Variants in RUNX2 observed in about 807,000 individuals in gnomAD.
RUNX2 encodes the protein runt-related transcription factor 2.
A neutral mutation model predicts 51.7 loss-of-function variants in RUNX2; 10 were observed. That is an observed-to-expected ratio of 0.19 (90% CI 0.12 to 0.33). The LOEUF (loss-of-function observed/expected upper bound fraction) is 0.33. Among genes scored for constraint, RUNX2 ranks in the 10% least tolerant of loss-of-function variants. RUNX2 has a pLI of 1.00. For missense variants in RUNX2, 562 were observed against 691.3 expected (o/e 0.81, Z 2.10); for synonymous variants, 276 against 273.6 (o/e 1.01, Z -0.09).
chr6:45,376,292 T>C (rs1415043125), intron 2 of RUNX2, among the ~76,000 whole-genome samples: 2 of 152,174 alleles, frequency 1.3e-5, no homozygotes, highest in Non-Finnish European at 2.9e-5. Flanking sequence ...CAATAAATGT[T>C]CCAAAGAGCT....
intron 2 of RUNX2, among the ~76,000 whole-genome samples, chr6:45,378,359 T>C (rs779311106): frequency 2.2e-4 from 33 of 152,196 alleles, no homozygotes; most frequent in Non-Finnish European, 4.3e-4. Flanking sequence ...CGTTCTAAGC[T>C]TCTTTCCAGG....
intron 5 of RUNX2, among the ~76,000 whole-genome samples, chr6:45,471,007 C>A (rs1033004366): frequency 6.6e-6 from 1 of 152,140 alleles, no homozygotes; most frequent in Non-Finnish European, 1.5e-5. Context: ...ATAATAATGG[C>A]ATTGTGGGAA....
chr6:45,543,562 T>A lies in RUNX2; in HGVS notation c.1022-1655T>A, dbSNP rs1434436440. 5.3e-5 allele frequency among the ~76,000 whole-genome samples: 8 copies of A among 152,172 alleles called. No individual in the cohort carries two copies. The East Asian group carries it at 1.5e-3, about 29-fold the overall frequency. Reference sequence around the variant, plus strand: ...TGGTTTTATATTTAGAAAATCAGATTGGGGTTGCACTGCTTTTAGAACTCT... The same window carrying A: ...TGGTTTTATATTTAGAAAATCAGATAGGGGTTGCACTGCTTTTAGAACTCT... On this transcript the variant is annotated intron_variant, in intron 7 of 8. Transcript: ENST00000647337.
At chr6:45,471,387 C>T (rs373543278) in intron 5 of RUNX2, among the ~76,000 whole-genome samples, 25 of 151,858 alleles carry the variant, frequency 1.6e-4, no homozygotes, top group African/African-American at 5.8e-4. Flanking sequence ...CATATTTTTT[C>T]CTGTGCATGT....
In RUNX2 at chr6:45,535,603, C is replaced by CA. The variant is rs36036147; in HGVS notation, c.1022-9601dup. Among the ~76,000 whole-genome samples the CA allele has an allele frequency of 0.011, 1,531 of 135,182 alleles. 49 individuals carry two copies. The East Asian group carries it at 0.12, about 11-fold the overall frequency. The allele number at this position is 135,182 out of a possible 152,430, so 88.7% of individuals were successfully genotyped here. ...TGGGCAACAGAGTGAGACTCTGTCT[C>CA]AAAAAAAAAAAAAGAAAGAAAAAGA... On this transcript the variant is annotated intron_variant, in intron 7 of 8. Coordinates refer to ENST00000647337, the MANE Select transcript of RUNX2 (RefSeq NM_001024630.4).
rs1233585817 is a variant in RUNX2 at position 45,549,827 on chromosome 6, G to C, written c.*2522G>C. 1 of 153,170 alleles carries C rather than the reference G, an allele frequency of 6.5e-6. No homozygotes were observed. The highest frequency in any genetic ancestry group is 2.4e-5 in the African/African-American group (1 of 41,424). 9.5% of individuals were successfully genotyped at this position (153,170 alleles called of 1,614,324 possible). ...GCTTTTGTGTTGAAATGTTACTATA[G>C]TGGCTGCAGGCAGCAACCCAGAAAC... is the stretch of plus-strand genomic sequence containing the variant. On this transcript the variant is annotated 3_prime_UTR_variant, in exon 9 of 9. Transcript: ENST00000647337.
At chr6:45,513,995 G>T (rs1388238952) in intron 7 of RUNX2, among the ~76,000 whole-genome samples, 2 of 152,116 alleles carry the variant, frequency 1.3e-5, no homozygotes, top group Non-Finnish European at 2.9e-5. Context: ...ACATAGGGCC[G>T]AAAGGACACT....
chr6:45,330,468 G>A (rs751399362), intron 2 of RUNX2, among the ~76,000 whole-genome samples: 31 of 152,028 alleles, frequency 2.0e-4, no homozygotes, highest in Non-Finnish European at 2.4e-4. Flanking sequence ...ACTCTTTCAC[G>A]TTATCACTCT....
At chr6:45,422,380 G>A (rs1000337913) in intron 2 of RUNX2, 2 of 539,280 alleles carry the variant, frequency 3.7e-6, no homozygotes, top group East Asian at 3.7e-5. Context: ...CGACTGCGCC[G>A]CATCGCCAGA....
chr6:45,514,894 C>T (rs1055396155), intron 7 of RUNX2, among the ~76,000 whole-genome samples: 1 of 151,780 alleles, frequency 6.6e-6, no homozygotes, highest in South Asian at 2.1e-4. Context: ...GACCTAGAGG[C>T]TCCTACATGT....
chr6:45,507,089 G>T (rs1164118993), intron 6 of RUNX2, among the ~76,000 whole-genome samples: 1 of 151,834 alleles, frequency 6.6e-6, no homozygotes, highest in African/African-American at 2.4e-5. Flanking sequence ...CAGCCAGGGT[G>T]TCACCTTAAG....
chr6:45,411,301 G>A (rs1362132641), intron 2 of RUNX2, among the ~76,000 whole-genome samples: 5 of 152,102 alleles, frequency 3.3e-5, no homozygotes, highest in African/African-American at 7.2e-5. Context: ...GGACTTTAAC[G>A]TGTTTAGATG....
At chr6:45,351,737 T>C (rs555633476) in intron 2 of RUNX2, among the ~76,000 whole-genome samples, 7 of 152,284 alleles carry the variant, frequency 4.6e-5, no homozygotes, top group African/African-American at 1.4e-4. Flanking sequence ...CCAAAGTTAG[T>C]GATCAGAACC....
chr6:45,458,269 C>T (rs1422642824), intron 5 of RUNX2, among the ~76,000 whole-genome samples: 1 of 152,170 alleles, frequency 6.6e-6, no homozygotes, highest in African/African-American at 2.4e-5. Context: ...TCAGGTGATC[C>T]ACCCACCTCA....
chr6:45,501,513 C>T (rs1800800817), intron 6 of RUNX2, among the ~76,000 whole-genome samples: 1 of 152,216 alleles, frequency 6.6e-6, no homozygotes, highest in African/African-American at 2.4e-5. Flanking sequence ...TCCTTCAAGA[C>T]TTTGGTGAAG....
intron 5 of RUNX2, among the ~76,000 whole-genome samples, chr6:45,467,537 C>G (rs1329290437): frequency 6.6e-6 from 1 of 152,156 alleles, no homozygotes; most frequent in Admixed American, 6.5e-5. Context: ...CTGCTTCGGC[C>G]TCCCAAAGTG....
chr6:45,372,330 T>G (rs1796184307), intron 2 of RUNX2, among the ~76,000 whole-genome samples: 1 of 152,226 alleles, frequency 6.6e-6, no homozygotes, highest in Non-Finnish European at 1.5e-5. Flanking sequence ...ATTTAGTTCA[T>G]GCTGATGATG....
In RUNX2 at chr6:45,550,907, T is replaced by A. The variant is rs1802546738; in HGVS notation, c.*3602T>A. 1 of 152,658 alleles carries A rather than the reference T, an allele frequency of 6.6e-6. No individual in the cohort carries two copies. The highest frequency in any genetic ancestry group is 2.4e-5 in the African/African-American group (1 of 41,462). 9.5% of individuals were successfully genotyped at this position (152,658 alleles called of 1,614,324 possible). Reference sequence around the variant, plus strand: ...GCTTTCCATGCACATATTGTAAAAATTCCGCTTTGTGCCACAGGTCATGAT... The same window carrying A: ...GCTTTCCATGCACATATTGTAAAAAATCCGCTTTGTGCCACAGGTCATGAT... On this transcript the variant is annotated 3_prime_UTR_variant, in exon 9 of 9. Coordinates refer to ENST00000647337, the MANE Select transcript of RUNX2 (RefSeq NM_001024630.4).
At chr6:45,453,017 C>T (rs1192227751) in intron 5 of RUNX2, among the ~76,000 whole-genome samples, 1 of 152,184 alleles carries the variant, frequency 6.6e-6, no homozygotes, top group Non-Finnish European at 1.5e-5. Flanking sequence ...TCTTCCACTG[C>T]CCTCCTTTCT....
Sources: gnomAD v4.1 joint callset for allele counts (sites outside exome capture counted in the v4.1 genomes callset) on GRCh38, gnomAD v4.1.1 for gene constraint, MANE v1.5 for transcripts, NCBI Gene and HGNC (gene_info 2026-07-23, HGNC 2026-07-21) for gene names.